SMIM20: variants seen among roughly 807,000 people sequenced by gnomAD.
SMIM20 encodes the protein mitochondrial translation regulation assembly intermediate of cytochrome c oxidase protein of 7 kDa.
Under a neutral mutation model 8.7 loss-of-function variants are expected in SMIM20, and 3 were observed. That is an observed-to-expected ratio of 0.34 (90% confidence interval 0.16 to 0.89). The LOEUF is 0.89. Among genes scored for constraint, SMIM20 ranks in the 40% least tolerant of loss-of-function variants. The pLI, the probability that SMIM20 is intolerant of heterozygous loss-of-function variation, is 0.49. For missense variants in SMIM20, 85 were observed against 84.8 expected (o/e 1.00, Z -0.01); for synonymous variants, 44 against 33.6 (o/e 1.31, Z -1.07).
intron 1 of SMIM20, among the ~76,000 whole-genome samples, chr4:25,919,549 T>C (rs970012949): frequency 6.6e-6 from 1 of 151,982 alleles, no homozygotes; most frequent in Non-Finnish European, 1.5e-5. Flanking sequence ...GCTTTCACCA[T>C]GTTGCCCAGG....
intron 1 of SMIM20, among the ~76,000 whole-genome samples, chr4:25,921,048 A>T (rs889197752): frequency 2.4e-4 from 37 of 152,342 alleles, no homozygotes; most frequent in African/African-American, 8.4e-4. Flanking sequence ...ACTGTATGTT[A>T]GTAAGAGCAG....
chr4:25,914,911 G>A (rs551776810), intron 1 of SMIM20, among the ~76,000 whole-genome samples: 9 of 152,224 alleles, frequency 5.9e-5, no homozygotes, highest in Non-Finnish European at 1.3e-4. Context: ...AAGTGACAAG[G>A]CAAATATATC....
At chr4:25,927,429 G>A (rs1485944926) in intron 1 of SMIM20, among the ~76,000 whole-genome samples, 1 of 152,164 alleles carries the variant, frequency 6.6e-6, no homozygotes, top group African/African-American at 2.4e-5. Context: ...CCAAAGTAAA[G>A]AAAATGGCCT....
At chr4:25,926,748 A>T (rs1051047109) in intron 1 of SMIM20, among the ~76,000 whole-genome samples, 1 of 152,206 alleles carries the variant, frequency 6.6e-6, no homozygotes, top group Non-Finnish European at 1.5e-5. Context: ...GATTTTATGA[A>T]ATCTCTAAGT....
chr4:25,924,952 C>T (rs780125824), intron 1 of SMIM20, among the ~76,000 whole-genome samples: 5 of 151,978 alleles, frequency 3.3e-5, no homozygotes, highest in Non-Finnish European at 4.4e-5. Flanking sequence ...GTTTCATGCA[C>T]AAAATTATTA....
At chr4:25,920,958 A>C (rs1345910437) in intron 1 of SMIM20, among the ~76,000 whole-genome samples, 1 of 152,108 alleles carries the variant, frequency 6.6e-6, no homozygotes. Flanking sequence ...GTGCAAGTAC[A>C]CTCTATGATG....
intron 1 of SMIM20, among the ~76,000 whole-genome samples, chr4:25,917,589 A>G: frequency 6.6e-6 from 1 of 151,942 alleles, no homozygotes. Context: ...TTTATTTAGC[A>G]CTCTCTTTTT....
chr4:25,918,668 G>A (rs1277584009), intron 1 of SMIM20, among the ~76,000 whole-genome samples: 1 of 151,412 alleles, frequency 6.6e-6, no homozygotes, highest in East Asian at 2.0e-4. Context: ...CCACCACCAC[G>A]CCTGGCTATT....
chr4:25,915,854 T>A (rs370283659), intron 1 of SMIM20, among the ~76,000 whole-genome samples: 669 of 18,868 alleles, frequency 0.035, 20 homozygotes, highest in African/African-American at 0.14. Flanking sequence ...CAACTTGGGA[T>A]GGGGCGGGGG....
intron 2 of SMIM20, 115 bp downstream of exon 2, chr4:25,928,484 A>G (rs1410143959): frequency 4.0e-6 from 4 of 1,002,788 alleles, no homozygotes; most frequent in Admixed American, 3.3e-5. Context: ...GCTTAGAGAC[A>G]AGATTGTGAT....
chr4:25,921,371 A>G (rs867851632), intron 1 of SMIM20, among the ~76,000 whole-genome samples: 1 of 151,996 alleles, frequency 6.6e-6, no homozygotes, highest in African/African-American at 2.4e-5. Context: ...TGTCTCATTT[A>G]AAAAAAAGAA....
chr4:25,915,666 T>C (rs529543646), intron 1 of SMIM20, among the ~76,000 whole-genome samples: 2 of 152,324 alleles, frequency 1.3e-5, no homozygotes, highest in South Asian at 2.1e-4. Context: ...TCCACCATCC[T>C]TCTTCAGCGG....
intron 1 of SMIM20, among the ~76,000 whole-genome samples, chr4:25,919,517 T>C (rs1719160889): frequency 1.3e-5 from 2 of 148,748 alleles, no homozygotes; most frequent in South Asian, 2.1e-4. Context: ...TTTTTTTTTT[T>C]CCTGTATTTT....
chr4:25,921,252 T>C (rs1719196929), intron 1 of SMIM20, among the ~76,000 whole-genome samples: 1 of 151,974 alleles, frequency 6.6e-6, no homozygotes, highest in African/African-American at 2.4e-5. Flanking sequence ...AGAAGCAAAC[T>C]GGTGGGCATG....
chr4:25,925,989 A>G (rs2109365878), intron 1 of SMIM20, among the ~76,000 whole-genome samples: 1 of 152,292 alleles, frequency 6.6e-6, no homozygotes, highest in Non-Finnish European at 1.5e-5. Flanking sequence ...GCTTGCTGAG[A>G]CACTGGAGTG....
intron 1 of SMIM20, among the ~76,000 whole-genome samples, chr4:25,925,401 T>A (rs1285983553): frequency 6.6e-6 from 1 of 152,084 alleles, no homozygotes; most frequent in East Asian, 1.9e-4. Context: ...CATGCCTGGC[T>A]AATTTTTGTA....
At chr4:25,928,974 A>T (rs1044375456) in intron 2 of SMIM20, among the ~76,000 whole-genome samples, 180 bp from the exon 3 acceptor site, 2 of 152,218 alleles carry the variant, frequency 1.3e-5, no homozygotes, top group African/African-American at 2.4e-5. Flanking sequence ...AAAGTCCCTT[A>T]TGGCAGCCAT....
At position 25,914,336 on chromosome 4, in the gene SMIM20, C is replaced by T. The variant is rs1319317654; in HGVS notation, c.23C>T (p.Ala8Val). The T allele has an allele frequency of 1.3e-6, 2 of 1,550,456 alleles. No individual in the cohort carries two copies. The highest frequency in any genetic ancestry group is 1.4e-5 in the African/African-American group (1 of 73,040). The change falls in exon 1 of 3, where the codon GCG becomes GTG. Residue 8 changes from alanine (A) to valine (V), a missense_variant. By Grantham distance (64) the Ala-to-Val change is moderately conservative. Coordinates refer to ENST00000506197, the MANE Select transcript of SMIM20 (RefSeq NM_001145432.3). The stretch of plus-strand genomic sequence containing the variant: ...GCCATGTCCCGGAACCTGCGCACCG[C>T]GCTCATTTTCGGCGGCTTCATCTCC... MSRNLRT[A>V]LIFGGFISLI...
At chr4:25,919,461 C>T (rs908065493) in intron 1 of SMIM20, among the ~76,000 whole-genome samples, 26 of 152,010 alleles carry the variant, frequency 1.7e-4, no homozygotes, top group Middle Eastern at 3.4e-3. Flanking sequence ...GCCTCAGCCT[C>T]TCAAGTAGCT....
Sources: allele counts gnomAD v4.1 joint callset (sites outside exome capture counted in the v4.1 genomes callset), GRCh38; gene constraint gnomAD v4.1.1; transcripts MANE v1.5; gene names NCBI Gene and HGNC (gene_info 2026-07-23, HGNC 2026-07-21).